CMSS1: variants seen among roughly 807,000 people sequenced by gnomAD.
The protein encoded by CMSS1 is cms1 ribosomal small subunit homolog, also known as protein CMSS1.
A neutral mutation model predicts 43.5 loss-of-function variants in CMSS1; 33 were observed. The observed-to-expected ratio is 0.76, with a 90% confidence interval of 0.57 to 1.01. CMSS1 has a LOEUF of 1.01. Ranked by LOEUF, CMSS1 falls within the 50% of genes least tolerant of loss-of-function variation. The pLI is 0.00. For missense variants in CMSS1, 313 were observed against 326.4 expected (o/e 0.96, Z 0.32); for synonymous variants, 115 against 117.2 (o/e 0.98, Z 0.12).
chr3:99,911,098 A>C (rs1013787320), intron 1 of CMSS1, among the ~76,000 whole-genome samples: 1 of 152,122 alleles, frequency 6.6e-6, no homozygotes, highest in Non-Finnish European at 1.5e-5. Flanking sequence ...GGGATTAGGT[A>C]GCGCATTACA....
chr3:100,059,202 G>A (rs2065516955), intron 1 of CMSS1, among the ~76,000 whole-genome samples: 1 of 152,200 alleles, frequency 6.6e-6, no homozygotes. Flanking sequence ...GATACTCTAG[G>A]TTGTTTCTGT....
chr3:99,962,922 C>T (rs185354651), intron 1 of CMSS1, among the ~76,000 whole-genome samples: 48 of 152,254 alleles, frequency 3.2e-4, no homozygotes, highest in African/African-American at 1.1e-3. Context: ...TGTTCATGGC[C>T]GAGATAAATA....
intron 1 of CMSS1, among the ~76,000 whole-genome samples, chr3:99,991,630 G>A (rs545522324): frequency 6.6e-6 from 1 of 151,856 alleles, no homozygotes; most frequent in African/African-American, 2.4e-5. Flanking sequence ...GTATTCTCCA[G>A]TGTCTGTTAT....
chr3:100,037,238 T>C (rs934709231), intron 1 of CMSS1, among the ~76,000 whole-genome samples: 2 of 152,162 alleles, frequency 1.3e-5, no homozygotes, highest in African/African-American at 4.8e-5. Context: ...TTGTAATATT[T>C]AGAGGCAAAG....
intron 1 of CMSS1, among the ~76,000 whole-genome samples, chr3:99,953,047 GA>G (rs59369223): frequency 0.015 from 2,246 of 152,204 alleles, 57 homozygotes; most frequent in African/African-American, 0.052. Context: ...TCAAGTGCCA[GA>G]ACTTTTTTAA....
Position 100,051,941 on chromosome 3 carries a change from GTATAT to G in CMSS1, c.65-95026_65-95022del, listed in dbSNP as rs2065381675. ...TTAAAATATATGTTTATAATATGAAGTATATTATATAAAATATTTTATGTATTTAT... is the reference window on the plus strand; with the variant it reads ...TTAAAATATATGTTTATAATATGAAGTATATAAAATATTTTATGTATTTAT... On this transcript the variant is annotated intron_variant, in intron 1 of 9. Coordinates refer to ENST00000421999, the MANE Select transcript of CMSS1 (RefSeq NM_032359.4). Among the ~76,000 whole-genome samples, 3 of 148,324 alleles carry G rather than the reference GTATAT, an allele frequency of 2.0e-5. No individual in the cohort carries two copies. The Middle Eastern group carries it at 0.011, about 530-fold the overall frequency.
intron 1 of CMSS1, among the ~76,000 whole-genome samples, chr3:99,948,535 G>A (rs1404998558): frequency 6.7e-6 from 1 of 148,632 alleles, no homozygotes; most frequent in Non-Finnish European, 1.5e-5. Flanking sequence ...AAGGGGGAGG[G>A]GAAGGGAGGG....
chr3:99,983,422 A>ATATATG lies in CMSS1; in HGVS notation c.65-163550_65-163549insATATGT, dbSNP rs1559713456. On this transcript the variant is annotated intron_variant, in intron 1 of 9. Transcript: ENST00000421999. ...TATATATATATATATATATATATGTATGTATGTATGTATATATATGTATGT... is the reference window on the plus strand; with the variant it reads ...TATATATATATATATATATATATGTATATATGTGTATGTATGTATATATATGTATGT... 5.5e-4 allele frequency among the ~76,000 whole-genome samples: 48 copies of ATATATG among 86,926 alleles called. 1 individual carries two copies. The highest frequency in any genetic ancestry group is 8.0e-4 in the Non-Finnish European group (37 of 46,058). 57.0% of individuals were successfully genotyped at this position (86,926 alleles called of 152,430 possible). A position where few individuals can be genotyped will look rare whatever the true frequency, so the allele number is the denominator to read the frequency against.
chr3:100,148,238 C>T lies in CMSS1; in HGVS notation c.153+1177C>T, dbSNP rs113928093. Among the ~76,000 whole-genome samples, 127 of 152,120 alleles carry T rather than the reference C, an allele frequency of 8.3e-4. 1 individual carries two copies. Among genetic ancestry groups the T allele is most frequent in the African/African-American group, 2.9e-3 (120 of 41,468 alleles). On this transcript the variant is annotated intron_variant, in intron 2 of 9. Coordinates refer to ENST00000421999, the MANE Select transcript of CMSS1 (RefSeq NM_032359.4). The stretch of plus-strand genomic sequence containing the variant: ...GGACTATCGATGTGCACCACCACAC[C>T]GGCTAATTTCTTTATCTTTTTGTAG...
At chr3:99,930,491 T>A (rs1292426778) in intron 1 of CMSS1, among the ~76,000 whole-genome samples, 2 of 152,192 alleles carry the variant, frequency 1.3e-5, no homozygotes, top group African/African-American at 4.8e-5. Context: ...TTGCTACTGA[T>A]GCATGCATGT....
intron 1 of CMSS1, among the ~76,000 whole-genome samples, chr3:99,970,530 T>G (rs573980519): frequency 3.0e-4 from 45 of 152,384 alleles, no homozygotes; most frequent in Non-Finnish European, 1.8e-4. Context: ...TGCAGAACAC[T>G]TTCTCTACAT....
At chr3:99,850,903 TG>T in intron 1 of CMSS1, 1 of 1,614,208 alleles carries the variant, frequency 6.2e-7, no homozygotes, top group South Asian at 1.1e-5. Context: ...TTGGATTTTC[TG>T]TCTTTGAAGG....
At chr3:100,049,797 G>A (rs1559739384) in intron 1 of CMSS1, among the ~76,000 whole-genome samples, 1 of 152,014 alleles carries the variant, frequency 6.6e-6, no homozygotes, top group Non-Finnish European at 1.5e-5. Context: ...TCACTTTATT[G>A]TAAGACTACT....
intron 1 of CMSS1, among the ~76,000 whole-genome samples, chr3:99,990,326 G>A (rs1182752077): frequency 5.3e-5 from 8 of 152,128 alleles, no homozygotes; most frequent in East Asian, 1.9e-4. Context: ...CTGAACCATG[G>A]CACCCAGTCA....
chr3:100,119,534 C>T (rs2066602726), intron 1 of CMSS1, among the ~76,000 whole-genome samples: 1 of 152,230 alleles, frequency 6.6e-6, no homozygotes, highest in Admixed American at 6.5e-5. Flanking sequence ...CACCTTCCAC[C>T]TTTGCAGTTG....
chr3:100,046,026 C>G (rs1236377806), intron 1 of CMSS1, among the ~76,000 whole-genome samples: 1 of 152,094 alleles, frequency 6.6e-6, no homozygotes, highest in East Asian at 1.9e-4. Context: ...CACATGCTTG[C>G]TTTGTTTGTT....
intron 1 of CMSS1, among the ~76,000 whole-genome samples, chr3:99,942,430 G>A (rs745960650): frequency 6.6e-6 from 1 of 152,166 alleles, no homozygotes; most frequent in Non-Finnish European, 1.5e-5. Context: ...TGGGTAAAGA[G>A]AACATGGGTT....
intron 1 of CMSS1, chr3:99,851,225 G>T: frequency 1.7e-6 from 1 of 581,334 alleles, no homozygotes; most frequent in Non-Finnish European, 2.8e-6. Flanking sequence ...TGATGACAGA[G>T]GAAAATCTTG....
At chr3:100,060,845 G>A (rs987329538) in intron 1 of CMSS1, among the ~76,000 whole-genome samples, 5 of 152,142 alleles carry the variant, frequency 3.3e-5, no homozygotes, top group African/African-American at 4.8e-5. Flanking sequence ...CTGGGCAATA[G>A]AGCCAGATCT....
Sources: gnomAD v4.1 joint callset for allele counts (sites outside exome capture counted in the v4.1 genomes callset) on GRCh38, gnomAD v4.1.1 for gene constraint, MANE v1.5 for transcripts, NCBI Gene and HGNC (gene_info 2026-07-23, HGNC 2026-07-21) for gene names.